The following PEMT variants were observed in gnomAD, a reference collection of about 807,000 sequenced individuals.
The protein encoded by PEMT is phospholipid methyltransferase.
PEMT carries 23 observed loss-of-function variants against 27.4 expected under a neutral mutation model. The observed-to-expected ratio is 0.84, with a 90% CI of 0.60 to 1.19. The LOEUF (loss-of-function observed/expected upper bound fraction) is 1.19. Ranked by LOEUF, PEMT falls within the 50% of genes most tolerant of loss-of-function variation. The pLI, the probability that PEMT is intolerant of heterozygous loss-of-function variation, is 0.00. For synonymous variants in PEMT, 137 were observed against 139.1 expected (o/e 0.98, Z 0.11); for missense variants, 307 against 310.1 (o/e 0.99, Z 0.07).
chr17:17,566,078 T>C (rs571744659), intron 2 of PEMT, among the ~76,000 whole-genome samples: 3 of 152,208 alleles, frequency 2.0e-5, no homozygotes, highest in Non-Finnish European at 2.9e-5. Flanking sequence ...ACCAAGTAGG[T>C]TAGCAGTGAA....
intron 2 of PEMT, among the ~76,000 whole-genome samples, chr17:17,552,413 T>C (rs150030718): frequency 6.6e-6 from 1 of 152,152 alleles, no homozygotes; most frequent in African/African-American, 2.4e-5. Flanking sequence ...CCATTTGGGA[T>C]TCTCATGTCT....
At chr17:17,573,558 C>T (rs1472060600) in intron 2 of PEMT, among the ~76,000 whole-genome samples, 1 of 151,648 alleles carries the variant, frequency 6.6e-6, no homozygotes, top group East Asian at 1.9e-4. Context: ...AGCATGTACA[C>T]TGTCTTGGGT....
chr17:17,506,446 C>T, intron 5 of PEMT, 145 bp from the exon 6 acceptor site: 1 of 584,148 alleles, frequency 1.7e-6, no homozygotes, highest in Non-Finnish European at 3.0e-6. Flanking sequence ...CCAGGCAGCA[C>T]TGCCCCTTCC....
At chr17:17,560,187 C>T (rs1348063534) in intron 2 of PEMT, among the ~76,000 whole-genome samples, 1 of 152,240 alleles carries the variant, frequency 6.6e-6, no homozygotes, top group African/African-American at 2.4e-5. Flanking sequence ...GACAGGGAGG[C>T]CTCCAGTGTG....
chr17:17,531,620 G>GAAAAAAAAAAAAAAAAAAAAAAAAAAA (rs1567689662), intron 2 of PEMT, among the ~76,000 whole-genome samples: 2 of 20,472 alleles, frequency 9.8e-5, no homozygotes, highest in Non-Finnish European at 8.3e-5. Flanking sequence ...GCTATCATAT[G>GAAAAAAAAAAAAAAAAAAAAAAAAAAA]CAAAAAAAAA....
chr17:17,533,484 T>TTA (rs1483782267), intron 2 of PEMT, among the ~76,000 whole-genome samples: 7 of 152,230 alleles, frequency 4.6e-5, no homozygotes, highest in African/African-American at 1.7e-4. Flanking sequence ...TAAACTGGCT[T>TTA]TATCAAATAT....
At position 17,546,645 on chromosome 17, in the gene PEMT, C is replaced by T. The variant is rs914790835; in HGVS notation, c.205-24250G>A. On this transcript the variant is annotated intron_variant, in intron 2 of 6. Coordinates refer to ENST00000255389, the MANE Select transcript of PEMT (RefSeq NM_148172.3). ...CAGCCCCCAGGCCTCTGCTCACAGGCGCCTGCCTTCGTCCGACCCTGGGGA... is the reference window on the plus strand; with the variant it reads ...CAGCCCCCAGGCCTCTGCTCACAGGTGCCTGCCTTCGTCCGACCCTGGGGA... Among the ~76,000 whole-genome samples, 6 of 152,242 alleles carry T rather than the reference C, an allele frequency of 3.9e-5. No individual in the cohort carries two copies. The South Asian group carries it at 1.0e-3, about 26-fold the overall frequency.
At chr17:17,547,426 C>A (rs16961862) in intron 2 of PEMT, among the ~76,000 whole-genome samples, 1 of 152,212 alleles carries the variant, frequency 6.6e-6, no homozygotes, top group Admixed American at 6.5e-5. Context: ...GAGATGCGCT[C>A]GCCAAAGAAC....
chr17:17,535,387 G>A (rs1303162274), intron 2 of PEMT, among the ~76,000 whole-genome samples: 5 of 151,862 alleles, frequency 3.3e-5, no homozygotes, highest in East Asian at 1.9e-4. Context: ...CCAACGTGGC[G>A]AAACCCCGTC....
chr17:17,527,573 C>T (rs750833538), intron 2 of PEMT, among the ~76,000 whole-genome samples: 2 of 141,022 alleles, frequency 1.4e-5, no homozygotes, highest in South Asian at 2.1e-4. Context: ...CTCTCGACTG[C>T]GTCACAGAGC....
chr17:17,592,131 T>C (rs1912622729), upstream of PEMT: 1 of 983,022 alleles, frequency 1.0e-6, no homozygotes, highest in Admixed American at 6.2e-5. Flanking sequence ...CTTCTGAAAT[T>C]CGCTTTACTC....
At chr17:17,592,023 C>T, upstream of PEMT, 1 of 985,478 alleles carries the variant, frequency 1.0e-6, no homozygotes, top group Non-Finnish European at 1.2e-6. Flanking sequence ...GGCCGCGGGT[C>T]GTAGCTATAA....
In PEMT at chr17:17,513,373, G is replaced by C. The variant is rs1906564057; in HGVS notation, c.321-719C>G. 6.6e-6 allele frequency among the ~76,000 whole-genome samples: 1 copy of C among 152,150 alleles called. No individual in the cohort carries two copies. The highest frequency in any genetic ancestry group is 1.5e-5 in the Non-Finnish European group (1 of 68,030). ...GCACTTTGGGAGGCCGAGGTGGGCG[G>C]GTCACCTGAGGTCAGGAGTTCAAGA... is the stretch of plus-strand genomic sequence containing the variant. On this transcript the variant is annotated intron_variant, in intron 3 of 6. Transcript: ENST00000255389. This position sits in a 1 kb window ranked among gnomAD's most constrained non-coding sequence, Gnocchi z 4.1.
At position 17,523,122 on chromosome 17, in the gene PEMT, C is replaced by G. The variant is rs1478919539; in HGVS notation, c.205-727G>C. On this transcript the variant is annotated intron_variant, in intron 2 of 6. Transcript: ENST00000255389. This position sits in a 1 kb window ranked among gnomAD's most constrained non-coding sequence, Gnocchi z 4.8. The stretch of plus-strand genomic sequence containing the variant: ...GAGCTGGTTATCGCCCGGGCCTGGC[C>G]CAGCACACTGAGGAAGGAACGGAGA... Among the ~76,000 whole-genome samples the G allele has an allele frequency of 1.3e-5, 2 of 152,158 alleles. No individual in the cohort carries two copies. Among genetic ancestry groups the G allele is most frequent in the African/African-American group, 4.8e-5 (2 of 41,430 alleles).
intron 2 of PEMT, among the ~76,000 whole-genome samples, chr17:17,564,653 G>A (rs989996114): frequency 2.0e-5 from 3 of 152,140 alleles, no homozygotes; most frequent in Admixed American, 1.3e-4. Flanking sequence ...TGAGCAGCCC[G>A]CTCCATCTGG....
intron 2 of PEMT, among the ~76,000 whole-genome samples, chr17:17,533,620 C>T (rs545305649): frequency 7.2e-5 from 11 of 152,114 alleles, no homozygotes; most frequent in African/African-American, 2.4e-4. Context: ...AGAATTCTTA[C>T]AAAATGGCTA....
intron 3 of PEMT, among the ~76,000 whole-genome samples, chr17:17,514,166 C>T (rs1906621465): frequency 6.6e-6 from 1 of 152,220 alleles, no homozygotes; most frequent in African/African-American, 2.4e-5. Flanking sequence ...CCATCTTCAT[C>T]CACTCGTTCC....
At chr17:17,574,892 A>G (rs1292350696) in intron 2 of PEMT, among the ~76,000 whole-genome samples, 1 of 152,214 alleles carries the variant, frequency 6.6e-6, no homozygotes, top group African/African-American at 2.4e-5. Flanking sequence ...TAAGAGCCCA[A>G]CATCTCCCTC....
At chr17:17,528,487 T>TA (rs1265036028) in intron 2 of PEMT, among the ~76,000 whole-genome samples, 1 of 152,204 alleles carries the variant, frequency 6.6e-6, no homozygotes, top group Non-Finnish European at 1.5e-5. Flanking sequence ...CTCCGAGGCC[T>TA]TCTCTCCTCT....
Sources: allele counts gnomAD v4.1 joint callset (sites outside exome capture counted in the v4.1 genomes callset), GRCh38; gene constraint gnomAD v4.1.1; non-coding constraint Gnocchi (gnomAD v3.1); transcripts MANE v1.5; gene names NCBI Gene and HGNC (gene_info 2026-07-23, HGNC 2026-07-21).